The following MOXD1 variants were observed in gnomAD, a reference collection of about 807,000 sequenced individuals.
MOXD1 encodes the protein DBH-like monooxygenase protein 1.
A neutral mutation model predicts 66.6 loss-of-function variants in MOXD1; 62 were observed. That is an observed-to-expected ratio of 0.93 (90% CI 0.76 to 1.15). The LOEUF (loss-of-function observed/expected upper bound fraction) is 1.15. Among genes scored for constraint, MOXD1 ranks in the 50% most tolerant of loss-of-function variants. MOXD1 has a pLI of 0.00. For missense variants in MOXD1, 847 were observed against 754.6 expected (o/e 1.12, Z -1.44); for synonymous variants, 303 against 281.9 (o/e 1.07, Z -0.75).
chr6:132,325,104 G>GA (rs1227162454), intron 6 of MOXD1: 2 of 151,824 alleles, frequency 1.3e-5, no homozygotes, highest in Non-Finnish European at 2.9e-5. Flanking sequence ...AACAGCCTTG[G>GA]AAAAAAATCC....
Position 132,296,330 on chromosome 6 carries a change from C to T in MOXD1, c.*823G>A, listed in dbSNP as rs6903616. ...CACCCTCCTGGACTGGCTCACACGG[C>T]CTGTCTTTGATCTGGAACCTCATAT... On this transcript the variant is annotated 3_prime_UTR_variant, in exon 12 of 12. Transcript: ENST00000367963. The T allele has an allele frequency of 0.12, 18,274 of 152,180 alleles. 1,828 individuals carry two copies. The highest frequency in any genetic ancestry group is 0.27 in the African/African-American group (11,349 of 41,454). 9.4% of individuals were successfully genotyped at this position (152,180 alleles called of 1,614,324 possible). A position where few individuals can be genotyped will look rare whatever the true frequency, so the allele number is the denominator to read the frequency against.
intron 4 of MOXD1, among the ~76,000 whole-genome samples, chr6:132,358,150 G>A (rs1775944787): frequency 6.6e-6 from 1 of 152,168 alleles, no homozygotes; most frequent in Non-Finnish European, 1.5e-5. Flanking sequence ...AAATGGTAGA[G>A]CCCGGATTTG....
Position 132,297,777 on chromosome 6 carries a change from A to G in MOXD1, c.1677+10T>C. 6.3e-7 allele frequency: 1 copy of G among 1,582,524 alleles called. No homozygotes were observed. The highest frequency in any genetic ancestry group is 8.6e-7 in the Non-Finnish European group (1 of 1,169,560). On this transcript the variant is annotated intron_variant, in intron 11 of 11. Transcript: ENST00000367963. ...GTCATCTGGGTTGTCAGAGGTTAAA[A>G]AGAGCTTACCGACCACTCAGCATTG...
At chr6:132,387,780 T>G (rs528142252) in intron 1 of MOXD1, among the ~76,000 whole-genome samples, 15 of 148,570 alleles carry the variant, frequency 1.0e-4, no homozygotes, top group Non-Finnish European at 1.3e-4. Context: ...AAAAAAGAGT[T>G]TGGGTATAGG....
rs1208938629 is a variant in MOXD1, at chr6:132,313,413, T to C, written c.1508+2222A>G. 3.3e-5 allele frequency among the ~76,000 whole-genome samples: 5 copies of C among 152,216 alleles called. No individual in the cohort carries two copies. The East Asian group carries it at 7.7e-4, about 23-fold the overall frequency. ...ATATAGGCATTTCTTCTAGTGGTCA[T>C]TTTGCTGTTTGCAAAAAAATTCAGT... On this transcript the variant is annotated intron_variant, in intron 10 of 11. Coordinates refer to ENST00000367963, the MANE Select transcript of MOXD1 (RefSeq NM_015529.4).
intron 1 of MOXD1, chr6:132,392,078 C>G: frequency 4.4e-6 from 5 of 1,136,348 alleles, no homozygotes; most frequent in Non-Finnish European, 6.1e-6. Context: ...CTCTTCATCT[C>G]TCCCTTACAG....
chr6:132,392,096 A>G (rs1440953962), intron 1 of MOXD1: 4 of 1,341,068 alleles, frequency 3.0e-6, no homozygotes, highest in Non-Finnish European at 4.0e-6. Context: ...CAGCCTTTCA[A>G]TTTGCTTTCC....
chr6:132,393,936 C>T (rs538175170), intron 1 of MOXD1, among the ~76,000 whole-genome samples: 1 of 152,346 alleles, frequency 6.6e-6, no homozygotes, highest in African/African-American at 2.4e-5. Flanking sequence ...AACACCAGCA[C>T]TGACCACTTG....
intron 10 of MOXD1, among the ~76,000 whole-genome samples, chr6:132,303,770 CATACATATATACACATAT>C (rs1562276258): frequency 1.9e-5 from 2 of 107,368 alleles, no homozygotes. Context: ...TATATATATA[CATACATATATACACATAT>C]ATACATATAT....
In MOXD1 at chr6:132,315,720, T is replaced by A; in HGVS notation, c.1423A>T (p.Ile475Phe). 1 of 1,613,444 alleles carries A rather than the reference T, an allele frequency of 6.2e-7. No homozygotes were observed. The highest frequency in any genetic ancestry group is 8.5e-7 in the Non-Finnish European group (1 of 1,179,486). ...ATACTTGCACATCGAGTAAGATTAA[T>A]TCTTGGGTAATAAAGAAGGTATGAG... The part of the protein sequence containing the change: ...CLSYLLYYPR[I>F]NLTRCASIPD... Residue 475 changes from isoleucine to phenylalanine, a missense_variant, in exon 10 of 12, where the codon ATT becomes TTT. Coordinates refer to ENST00000367963, the MANE Select transcript of MOXD1 (RefSeq NM_015529.4).
At chr6:132,303,069 G>A (rs1297151152) in intron 10 of MOXD1, among the ~76,000 whole-genome samples, 6 of 143,118 alleles carry the variant, frequency 4.2e-5, no homozygotes, top group African/African-American at 1.4e-4. Flanking sequence ...AAATGTAAAA[G>A]CTAAAACTGT....
intron 4 of MOXD1, among the ~76,000 whole-genome samples, chr6:132,361,746 T>A (rs548124746): frequency 6.6e-6 from 1 of 152,262 alleles, no homozygotes; most frequent in African/African-American, 2.4e-5. Context: ...AATACAATAA[T>A]AGCTCAATGA....
chr6:132,384,214 CCTTCCTCCTTCCTTCCTCCCTCCCTCT>C (rs1776568698), intron 1 of MOXD1, among the ~76,000 whole-genome samples: 1 of 148,414 alleles, frequency 6.7e-6, no homozygotes, highest in African/African-American at 2.5e-5. Context: ...TCTCTTCCTT[CCTTCCTCCTTCCTTCCTCCCTCCCTCT>C]CTTCCTTCCT....
intron 1 of MOXD1, among the ~76,000 whole-genome samples, chr6:132,385,472 T>C (rs947363429): frequency 7.4e-6 from 1 of 134,360 alleles, no homozygotes; most frequent in Non-Finnish European, 1.6e-5. Context: ...ATTATTATTA[T>C]TATTATTATT....
chr6:132,297,786 C>A lies in MOXD1; in HGVS notation c.1677+1G>T, dbSNP rs1774441840. 1.4e-5 allele frequency: 22 copies of A among 1,592,096 alleles called. No individual in the cohort carries two copies. The highest frequency in any genetic ancestry group is 1.8e-5 in the Non-Finnish European group (21 of 1,173,120). On this transcript the variant is annotated splice_donor_variant, in intron 11 of 11. Coordinates refer to ENST00000367963, the MANE Select transcript of MOXD1 (RefSeq NM_015529.4). LOFTEE classifies it high-confidence loss of function. Reference sequence around the variant, plus strand: ...GTTGTCAGAGGTTAAAAAGAGCTTACCGACCACTCAGCATTGTCTGTCTTG... The same window carrying A: ...GTTGTCAGAGGTTAAAAAGAGCTTAACGACCACTCAGCATTGTCTGTCTTG...
At chr6:132,394,568 CA>C (rs1426411070) in intron 1 of MOXD1, among the ~76,000 whole-genome samples, 2 of 151,750 alleles carry the variant, frequency 1.3e-5, no homozygotes, top group Non-Finnish European at 2.9e-5. Flanking sequence ...GCAAAGAAAC[CA>C]GAAAAGCAAT....
At chr6:132,345,257 T>G (rs1192337495) in intron 4 of MOXD1, among the ~76,000 whole-genome samples, 1 of 152,220 alleles carries the variant, frequency 6.6e-6, no homozygotes, top group Non-Finnish European at 1.5e-5. Flanking sequence ...AAAAATACTA[T>G]CATGTTGTTG....
chr6:132,374,992 A>C, intron 1 of MOXD1: 1 of 594,114 alleles, frequency 1.7e-6, no homozygotes, highest in South Asian at 2.2e-5. Flanking sequence ...GTGTAGACTG[A>C]TAATATCGTA....
intron 2 of MOXD1, among the ~76,000 whole-genome samples, chr6:132,374,413 C>T (rs1230272093): frequency 6.6e-6 from 1 of 151,408 alleles, no homozygotes; most frequent in Admixed American, 6.6e-5. Flanking sequence ...GTTAAACTCA[C>T]ACAAAAATGG....
Sources: allele counts gnomAD v4.1 joint callset (sites outside exome capture counted in the v4.1 genomes callset), GRCh38; gene constraint gnomAD v4.1.1; transcripts MANE v1.5; gene names NCBI Gene and HGNC (gene_info 2026-07-23, HGNC 2026-07-21).